EYS: variants seen among roughly 807,000 people sequenced by gnomAD.
The protein encoded by EYS is EGF-like photoreceptor maintenance factor.
Under a neutral mutation model 282.1 loss-of-function variants are expected in EYS, and 250 were observed. The ratio of observed to expected loss-of-function variants is 0.89; its 90% CI spans 0.80 to 0.98. The LOEUF (loss-of-function observed/expected upper bound fraction) is 0.98. Ranked by LOEUF, EYS falls within the 50% of genes least tolerant of loss-of-function variation. The pLI, the probability that EYS is intolerant of heterozygous loss-of-function variation, is 0.00. For missense variants in EYS, 4,016 were observed against 3,709.0 expected (o/e 1.08, Z -2.15); for synonymous variants, 1,355 against 1,282.9 (o/e 1.06, Z -1.20).
intron 30 of EYS, among the ~76,000 whole-genome samples, chr6:64,261,403 A>C (rs1458867743): frequency 2.0e-5 from 3 of 152,146 alleles, no homozygotes; most frequent in African/African-American, 7.2e-5. Flanking sequence ...ATTTAATCTA[A>C]GATATAGACA....
At chr6:63,780,696 G>C (rs1309355837) in intron 39 of EYS, among the ~76,000 whole-genome samples, 5 of 152,144 alleles carry the variant, frequency 3.3e-5, no homozygotes, top group Admixed American at 3.3e-4. Flanking sequence ...CATTCTGTAG[G>C]TTGCCTGTTC....
intron 21 of EYS, among the ~76,000 whole-genome samples, chr6:64,818,256 AT>A (rs776982465): frequency 1.6e-4 from 24 of 151,896 alleles, no homozygotes; most frequent in Non-Finnish European, 2.6e-4. Context: ...CTTAAATTAC[AT>A]TTTTTTCACT....
intron 16 of EYS, among the ~76,000 whole-genome samples, chr6:64,908,685 G>T (rs996649228): frequency 2.6e-5 from 4 of 152,108 alleles, no homozygotes; most frequent in Non-Finnish European, 5.9e-5. Context: ...AAGTCAGGCT[G>T]TCTCTTCCCG....
chr6:63,771,677 C>T (rs772454797), intron 40 of EYS, among the ~76,000 whole-genome samples: 3 of 152,028 alleles, frequency 2.0e-5, no homozygotes, highest in Admixed American at 6.6e-5. Flanking sequence ...AAAAAGACCA[C>T]GAGAGAAAAG....
At chr6:64,216,997 C>CT (rs1278509154) in intron 31 of EYS, among the ~76,000 whole-genome samples, 59 of 152,092 alleles carry the variant, frequency 3.9e-4, no homozygotes, top group African/African-American at 1.4e-3. Context: ...ATAGATGTGC[C>CT]TGCAGGATAA....
At chr6:63,856,137 G>A (rs1446027482) in intron 36 of EYS, among the ~76,000 whole-genome samples, 9 of 151,478 alleles carry the variant, frequency 5.9e-5, no homozygotes, top group Admixed American at 2.0e-4. Context: ...TAGGTGTGGT[G>A]GGATCTGACA....
At chr6:64,361,557 T>G (rs1450429791) in intron 29 of EYS, among the ~76,000 whole-genome samples, 1 of 151,822 alleles carries the variant, frequency 6.6e-6, no homozygotes, top group African/African-American at 2.4e-5. Context: ...TAATTAAATA[T>G]TCTAGTTGTA....
At chr6:64,458,549 G>A (rs564637950) in intron 26 of EYS, among the ~76,000 whole-genome samples, 8 of 151,714 alleles carry the variant, frequency 5.3e-5, no homozygotes, top group South Asian at 2.1e-4. Context: ...TCTGCAGCTA[G>A]GCATGTTGAA....
intron 35 of EYS, among the ~76,000 whole-genome samples, chr6:63,931,272 C>T (rs1054455324): frequency 1.3e-5 from 2 of 152,084 alleles, no homozygotes; most frequent in African/African-American, 4.8e-5. Context: ...AGAGCAGACT[C>T]TTAGGATGTC....
At chr6:64,068,354 A>G (rs1771452426) in intron 32 of EYS, among the ~76,000 whole-genome samples, 1 of 152,188 alleles carries the variant, frequency 6.6e-6, no homozygotes, top group South Asian at 2.1e-4. Flanking sequence ...TGCCAACTAC[A>G]TGGATTGTAA....
rs182457953 is a variant in EYS, at chr6:64,039,273, A to G, written c.6725+27065T>C. On this transcript the variant is annotated intron_variant, in intron 33 of 42. Transcript: ENST00000503581. The stretch of plus-strand genomic sequence containing the variant: ...ACTTTAGATAAGAATTACTTAGGTA[A>G]GTATTATTGTGATGGTTACTAAAGA... Among the ~76,000 whole-genome samples the G allele has an allele frequency of 2.1e-3, 323 of 152,326 alleles. 1 individual carries two copies. The highest frequency in any genetic ancestry group is 7.2e-3 in the African/African-American group (300 of 41,570).
intron 13 of EYS, among the ~76,000 whole-genome samples, chr6:65,004,988 A>AT (rs1771594396): frequency 6.8e-6 from 1 of 148,006 alleles, no homozygotes; most frequent in African/African-American, 2.4e-5. Flanking sequence ...AAAGTAGATT[A>AT]TTGGGCAACC....
chr6:64,705,712 T>G (rs902265896), intron 22 of EYS, among the ~76,000 whole-genome samples: 1 of 151,070 alleles, frequency 6.6e-6, no homozygotes, highest in Non-Finnish European at 1.5e-5. Flanking sequence ...TCATTCTCAG[T>G]AAACTATCGC....
At chr6:65,502,120 A>C (rs532746142) in intron 2 of EYS, among the ~76,000 whole-genome samples, 1 of 151,852 alleles carries the variant, frequency 6.6e-6, no homozygotes, top group African/African-American at 2.4e-5. Context: ...CATTGAAATT[A>C]AGATAGCTTA....
At chr6:65,525,586 T>G (rs9354261) in intron 2 of EYS, among the ~76,000 whole-genome samples, 122,401 of 152,226 alleles carry the variant, frequency 0.8, 49,976 homozygotes, top group East Asian at 1. Flanking sequence ...GTTTCTCAAA[T>G]AAATTAATCT....
chr6:63,862,702 T>A (rs1313761768), intron 36 of EYS, among the ~76,000 whole-genome samples: 1 of 152,202 alleles, frequency 6.6e-6, no homozygotes, highest in Non-Finnish European at 1.5e-5. Flanking sequence ...ATAGCTTTTA[T>A]CTAAATAGAA....
chr6:64,927,689 C>A (rs1254914119), intron 15 of EYS, among the ~76,000 whole-genome samples: 1 of 151,892 alleles, frequency 6.6e-6, no homozygotes, highest in Non-Finnish European at 1.5e-5. Context: ...ATTTGAAAAG[C>A]CAACTGATCT....
chr6:65,351,485 A>C (rs1010937110), intron 9 of EYS, among the ~76,000 whole-genome samples: 2 of 151,728 alleles, frequency 1.3e-5, no homozygotes, highest in Non-Finnish European at 3.0e-5. Context: ...AGTTGACTAT[A>C]TTTGCTCAAA....
intron 31 of EYS, among the ~76,000 whole-genome samples, chr6:64,205,832 C>T (rs527513593): frequency 6.6e-6 from 1 of 150,498 alleles, no homozygotes; most frequent in African/African-American, 2.5e-5. Flanking sequence ...CACACACACA[C>T]ACACACACAC....
Sources: allele counts gnomAD v4.1 joint callset (sites outside exome capture counted in the v4.1 genomes callset), GRCh38; gene constraint gnomAD v4.1.1; transcripts MANE v1.5; gene names NCBI Gene and HGNC (gene_info 2026-07-23, HGNC 2026-07-21).